Variants in BPIFB4 observed in about 807,000 individuals in gnomAD.
The protein encoded by BPIFB4 is BPI fold-containing family B member 4.
In BPIFB4, 62 loss-of-function variants were observed where a neutral mutation model predicts 69.2. The ratio of observed to expected loss-of-function variants is 0.90; its 90% CI spans 0.73 to 1.11. The LOEUF is 1.11. BPIFB4 is among the 50% of genes least tolerant of loss of function. BPIFB4 has a pLI of 0.00. For missense variants in BPIFB4, 789 were observed against 792.0 expected (o/e 1.00, Z 0.04); for synonymous variants, 330 against 332.7 (o/e 0.99, Z 0.09).
intron 11 of BPIFB4, among the ~76,000 whole-genome samples, chr20:33,094,250 T>C (rs1981694745): frequency 6.6e-6 from 1 of 152,246 alleles, no homozygotes; most frequent in African/African-American, 2.4e-5. Context: ...CAGAAGGTAA[T>C]GGCATTATTT....
At chr20:33,108,413 A>G (rs556099996) in intron 17 of BPIFB4, among the ~76,000 whole-genome samples, 6 of 147,400 alleles carry the variant, frequency 4.1e-5, no homozygotes, top group Non-Finnish European at 7.5e-5. Flanking sequence ...ATGCATCCAT[A>G]TATATATGTC....
intron 2 of BPIFB4, among the ~76,000 whole-genome samples, chr20:33,080,947 A>ATGGT (rs1427648366): frequency 3.3e-5 from 5 of 152,012 alleles, no homozygotes; most frequent in African/African-American, 4.8e-5. Flanking sequence ...GAGTGGATGG[A>ATGGT]TGGTTGGTTG....
chr20:33,099,336 G>A (rs1372122539), intron 13 of BPIFB4, among the ~76,000 whole-genome samples: 1 of 152,134 alleles, frequency 6.6e-6, no homozygotes, highest in Non-Finnish European at 1.5e-5. Flanking sequence ...CGATTAAAGG[G>A]TCGATTCTAG....
At chr20:33,085,938 C>G in intron 6 of BPIFB4, 83 bp from the exon 7 acceptor site, 1 of 1,483,934 alleles carries the variant, frequency 6.7e-7, no homozygotes, top group Non-Finnish European at 9.3e-7. Flanking sequence ...ATGGCAGGGA[C>G]AGCAAGGACA....
At chr20:33,093,061 C>T (rs1981654042) in intron 11 of BPIFB4, among the ~76,000 whole-genome samples, 1 of 152,210 alleles carries the variant, frequency 6.6e-6, no homozygotes, top group Admixed American at 6.5e-5. Context: ...ATGCTCCAGT[C>T]ATTTTCTTTC....
intron 17 of BPIFB4, among the ~76,000 whole-genome samples, chr20:33,110,713 C>G (rs1982209699): frequency 6.7e-6 from 1 of 149,856 alleles, no homozygotes; most frequent in Non-Finnish European, 1.5e-5. Flanking sequence ...ATTTATTTAT[C>G]CATTTAATTA....
chr20:33,098,687 G>A (rs1164002827), intron 13 of BPIFB4, among the ~76,000 whole-genome samples: 1 of 150,028 alleles, frequency 6.7e-6, no homozygotes, highest in African/African-American at 2.5e-5. Flanking sequence ...GGAGGCTGCA[G>A]TGAGCCGAGA....
chr20:33,091,572 C>T (rs139312515), intron 10 of BPIFB4, among the ~76,000 whole-genome samples: 12 of 152,372 alleles, frequency 7.9e-5, no homozygotes, highest in African/African-American at 2.6e-4. Context: ...TGTATACAGG[C>T]GCCCCTGCGC....
chr20:33,107,908 A>G lies in BPIFB4; in HGVS notation c.1821+88A>G, dbSNP rs1178040720. 6 of 1,201,246 alleles carry G rather than the reference A, an allele frequency of 5.0e-6. No homozygotes were observed. In the African/African-American group the frequency reaches 9.0e-5, roughly 18 times the overall value. The allele number at this position is 1,201,246 out of a possible 1,614,324, so 74.4% of individuals were successfully genotyped here. A position where few individuals can be genotyped will look rare whatever the true frequency, so the allele number is the denominator to read the frequency against. On this transcript the variant is annotated intron_variant, in intron 17 of 17. Coordinates refer to ENST00000375483, the MANE Select transcript of BPIFB4 (RefSeq NM_182519.3). ...ACTGCATTCAGGCCAGGAACTTGGA[A>G]GAGGAAGAGAAGAGGAGGGAAGGGG...
At chr20:33,099,498 C>T (rs995387904) in intron 13 of BPIFB4, among the ~76,000 whole-genome samples, 3 of 152,154 alleles carry the variant, frequency 2.0e-5, no homozygotes, top group Non-Finnish European at 4.4e-5. Flanking sequence ...CTGACTCCTC[C>T]CCAGCGCACA....
At position 33,106,076 on chromosome 20, in the gene BPIFB4, C is replaced by T. The variant is rs577467759; in HGVS notation, c.1744+1203C>T. Among the ~76,000 whole-genome samples the T allele has an allele frequency of 1.2e-4, 19 of 152,260 alleles. No individual in the cohort carries two copies. In the South Asian group the frequency reaches 3.9e-3, roughly 32 times the overall value. ...TCCTGCAGGGTAGATTCACAATGTC[C>T]TTAGCTTTTTGAAAAGTCCTGCTGG... On this transcript the variant is annotated intron_variant, in intron 16 of 17. Transcript: ENST00000375483.
intron 9 of BPIFB4, 70 bp downstream of exon 9, chr20:33,089,628 C>T: frequency 1.9e-6 from 3 of 1,610,636 alleles, no homozygotes; most frequent in Non-Finnish European, 1.7e-6. Flanking sequence ...GAGGAGGGCT[C>T]AATGTGGTGG....
At chr20:33,088,060 A>T (rs560439444) in intron 7 of BPIFB4, among the ~76,000 whole-genome samples, 1 of 152,234 alleles carries the variant, frequency 6.6e-6, no homozygotes, top group South Asian at 2.1e-4. Context: ...TAGGATGATC[A>T]TGTTTCCTTC....
In BPIFB4 at chr20:33,097,618, T is replaced by C. The variant is rs765074991; in HGVS notation, c.1400T>C (p.Val467Ala). The C allele has an allele frequency of 6.2e-7, 1 of 1,613,652 alleles. No individual in the cohort carries two copies. Among genetic ancestry groups the C allele is most frequent in the Non-Finnish European group, 8.5e-7 (1 of 1,179,762 alleles). The part of the protein sequence containing the change: ...TATLGALIPK[V>A]FQQYPESCPL... The stretch of plus-strand genomic sequence containing the variant: ...ATCTGGCCTGGTGCCTGCCCACAGG[T>C]GTTCCAGCAGTACCCCGAGTCCTGC... The change falls in exon 13 of 18, where the codon GTG (valine) becomes GCG (alanine). Residue 467 changes from valine to alanine, a missense_variant and splice_region_variant. Transcript: ENST00000375483.
intron 13 of BPIFB4, among the ~76,000 whole-genome samples, chr20:33,098,125 C>T (rs1402444329): frequency 6.6e-6 from 1 of 152,146 alleles, no homozygotes; most frequent in Non-Finnish European, 1.5e-5. Flanking sequence ...GAAATTAAGA[C>T]TGATTTTCTC....
intron 15 of BPIFB4, 26 bp downstream of exon 15, chr20:33,103,040 G>T: frequency 1.2e-6 from 2 of 1,609,634 alleles, no homozygotes; most frequent in East Asian, 2.2e-5. Context: ...AGTTCCCAGG[G>T]CAAGATCTTC....
At chr20:33,082,906 A>G (rs1981277332) in intron 3 of BPIFB4, 32 bp from the exon 4 acceptor site, 1 of 1,594,912 alleles carries the variant, frequency 6.3e-7, no homozygotes, top group African/African-American at 1.3e-5. Flanking sequence ...AAAAGGGAGG[A>G]ACCCTGGACT....
chr20:33,104,696 ACT>A lies in BPIFB4; in HGVS notation c.1681-110_1681-109del. ...AGGGGTTCTGACTGCCAGAACCTAG[ACT>A]CTCCCAGAGCAGGTCTGTGTCTCCA... On this transcript the variant is annotated intron_variant, in intron 15 of 17. Transcript: ENST00000375483. 7 of 941,844 alleles carry A rather than the reference ACT, an allele frequency of 7.4e-6. No homozygotes were observed. The South Asian group carries it at 1.0e-4, about 13-fold the overall frequency. 58.3% of individuals were successfully genotyped at this position (941,844 alleles called of 1,614,324 possible). A position where few individuals can be genotyped will look rare whatever the true frequency, so the allele number is the denominator to read the frequency against.
intron 16 of BPIFB4, among the ~76,000 whole-genome samples, chr20:33,106,436 G>A (rs1166453768): frequency 2.0e-5 from 3 of 146,902 alleles, no homozygotes; most frequent in East Asian, 4.0e-4. Context: ...ACAGTGGCAC[G>A]ATCTCGGCTC....
Sources: allele counts gnomAD v4.1 joint callset (sites outside exome capture counted in the v4.1 genomes callset), GRCh38; gene constraint gnomAD v4.1.1; transcripts MANE v1.5; gene names NCBI Gene and HGNC (gene_info 2026-07-23, HGNC 2026-07-21).